The following JAKMIP1 variants were observed in gnomAD, a reference collection of about 807,000 sequenced individuals.
JAKMIP1 encodes janus kinase and microtubule interacting protein 1.
JAKMIP1 carries 33 observed loss-of-function variants against 113.0 expected under a neutral mutation model. The ratio of observed to expected loss-of-function variants is 0.29; its 90% CI spans 0.22 to 0.39. The LOEUF is 0.39. JAKMIP1 is among the 10% of genes least tolerant of loss of function. The pLI is 1.00. For synonymous variants in JAKMIP1, 480 were observed against 459.9 expected (o/e 1.04, Z -0.56); for missense variants, 813 against 1,080.5 (o/e 0.75, Z 3.47).
intron 12 of JAKMIP1, among the ~76,000 whole-genome samples, chr4:6,054,585 T>C (rs776657161): frequency 6.6e-6 from 1 of 151,990 alleles, no homozygotes; most frequent in Non-Finnish European, 1.5e-5. Flanking sequence ...CCCAGCCAGC[T>C]GCGGCAGGGA....
At chr4:6,166,334 G>C (rs1723628955) in intron 1 of JAKMIP1, among the ~76,000 whole-genome samples, 1 of 152,196 alleles carries the variant, frequency 6.6e-6, no homozygotes, top group Admixed American at 6.5e-5. Flanking sequence ...AAGGGCCCCT[G>C]GGCTCCCCTC....
At chr4:6,082,797 G>T (rs762604836) in intron 5 of JAKMIP1, among the ~76,000 whole-genome samples, 4 of 152,118 alleles carry the variant, frequency 2.6e-5, no homozygotes, top group Admixed American at 6.5e-5. Context: ...GCACCTCACA[G>T]AAATCCAGAA....
In JAKMIP1 at chr4:6,065,309, A is replaced by G. The variant is rs916033959; in HGVS notation, c.1303-301T>C. On this transcript the variant is annotated intron_variant, in intron 8 of 20. Coordinates refer to ENST00000409021, the MANE Select transcript of JAKMIP1 (RefSeq NM_001099433.2). The surrounding 1 kb of genome is among the most constrained non-coding windows in gnomAD (Gnocchi z 5.1). ...CCCTGGAGCACCAGCCTCCTTCTCT[A>G]GCAAATGGATTGAGAAGCCACCTCA... is the stretch of plus-strand genomic sequence containing the variant. Among the ~76,000 whole-genome samples the G allele has an allele frequency of 2.0e-5, 3 of 152,172 alleles. No homozygotes were observed. The highest frequency in any genetic ancestry group is 7.2e-5 in the African/African-American group (3 of 41,434).
chr4:6,050,717 G>A lies in JAKMIP1; in HGVS notation c.1807-38C>T, dbSNP rs572598181. On this transcript the variant is annotated intron_variant, in intron 13 of 20. Coordinates refer to ENST00000409021, the MANE Select transcript of JAKMIP1 (RefSeq NM_001099433.2). The surrounding 1 kb of genome is among the most constrained non-coding windows in gnomAD (Gnocchi z 7.4). ...TTCGGTTTAAAAACAGAATGTGACC[G>A]GATTATTTACCACTTGCCATTTTCC... The A allele has an allele frequency of 7.0e-5, 103 of 1,474,690 alleles. No homozygotes were observed. The highest frequency in any genetic ancestry group is 4.6e-4 in the Admixed American group (23 of 50,546). The allele number at this position is 1,474,690 out of a possible 1,614,324, so 91.4% of individuals were successfully genotyped here.
chr4:6,161,167 C>T (rs1722892502), intron 1 of JAKMIP1, among the ~76,000 whole-genome samples: 1 of 149,900 alleles, frequency 6.7e-6, no homozygotes, highest in Middle Eastern at 3.6e-3. Flanking sequence ...CTCACCTCCC[C>T]TGATCTCCAC....
intron 1 of JAKMIP1, among the ~76,000 whole-genome samples, chr4:6,121,351 G>C (rs1416314085): frequency 1.3e-5 from 2 of 152,164 alleles, no homozygotes; most frequent in East Asian, 3.8e-4. Flanking sequence ...AGGAGCAAGG[G>C]CGTCAAATGG....
chr4:6,070,439 C>A (rs1012372741), intron 8 of JAKMIP1, among the ~76,000 whole-genome samples: 15 of 152,272 alleles, frequency 9.9e-5, no homozygotes, highest in African/African-American at 3.6e-4. Context: ...CTGGCCACGC[C>A]AACCGCGGGC....
chr4:6,165,973 G>A (rs191142440), intron 1 of JAKMIP1, among the ~76,000 whole-genome samples: 2,520 of 152,138 alleles, frequency 0.017, 18 homozygotes, highest in Middle Eastern at 0.044. Context: ...GAGGGCTGCC[G>A]GCATTTCTGG....
chr4:6,186,061 C>T lies in JAKMIP1; in HGVS notation c.-148+14192G>A, dbSNP rs921071640. Among the ~76,000 whole-genome samples the T allele has an allele frequency of 9.2e-5, 14 of 152,094 alleles. No individual in the cohort carries two copies. Among genetic ancestry groups the T allele is most frequent in the Non-Finnish European group, 2.1e-4 (14 of 68,024 alleles). On this transcript the variant is annotated intron_variant, in intron 1 of 20. Coordinates refer to ENST00000409021, the MANE Select transcript of JAKMIP1 (RefSeq NM_001099433.2). This position sits in a 1 kb window ranked among gnomAD's most constrained non-coding sequence, Gnocchi z 5.5. ...ATGAAAGTGGACACAGCCAGCCACT[C>T]AACACAGTGTCTGGCTAGGGGCTAC...
In JAKMIP1 at chr4:6,141,423, G is replaced by A. The variant is rs1056721677; in HGVS notation, c.-147-28426C>T. Among the ~76,000 whole-genome samples, 1 of 151,638 alleles carries A rather than the reference G, an allele frequency of 6.6e-6. No individual in the cohort carries two copies. The highest frequency in any genetic ancestry group is 2.4e-5 in the African/African-American group (1 of 40,950). Reference sequence around the variant, plus strand: ...TGCACCCCAGCCTGGGCGACAGAGTGAAACCCTGTCTCAAAATAAATAAAT... The same window carrying A: ...TGCACCCCAGCCTGGGCGACAGAGTAAAACCCTGTCTCAAAATAAATAAAT... On this transcript the variant is annotated intron_variant, in intron 1 of 20. Coordinates refer to ENST00000409021, the MANE Select transcript of JAKMIP1 (RefSeq NM_001099433.2). This position sits in a 1 kb window ranked among gnomAD's most constrained non-coding sequence, Gnocchi z 9.4.
chr4:6,063,952 C>T (rs1021192065), intron 9 of JAKMIP1, among the ~76,000 whole-genome samples: 16 of 152,332 alleles, frequency 1.1e-4, no homozygotes, highest in African/African-American at 2.9e-4. Flanking sequence ...CGCGAGGTAG[C>T]GCGATCCACC....
At position 6,140,613 on chromosome 4, in the gene JAKMIP1, A is replaced by AG. The variant is rs1720003840; in HGVS notation, c.-147-27617dup. 6.6e-6 allele frequency among the ~76,000 whole-genome samples: 1 copy of AG among 152,040 alleles called. No individual in the cohort carries two copies. The highest frequency in any genetic ancestry group is 1.5e-5 in the Non-Finnish European group (1 of 67,992). Reference sequence around the variant, plus strand: ...GGACCTCTGTCCCCACTGCTCCTGGAGGGGTGGAGAAATACATGATTTTGT... The same window carrying AG: ...GGACCTCTGTCCCCACTGCTCCTGGAGGGGGTGGAGAAATACATGATTTTGT... On this transcript the variant is annotated intron_variant, in intron 1 of 20. Transcript: ENST00000409021. This position sits in a 1 kb window ranked among gnomAD's most constrained non-coding sequence, Gnocchi z 9.4.
rs1040288123 is a variant in JAKMIP1, at chr4:6,141,233, C to G, written c.-147-28236G>C. Among the ~76,000 whole-genome samples, 1 of 152,144 alleles carries G rather than the reference C, an allele frequency of 6.6e-6. No homozygotes were observed. The highest frequency in any genetic ancestry group is 1.5e-5 in the Non-Finnish European group (1 of 68,030). ...GGCAGATCACTTGAGCCCAGGAATT[C>G]GAGACCAGCCTGGCCAACATGGCGA... is the stretch of plus-strand genomic sequence containing the variant. On this transcript the variant is annotated intron_variant, in intron 1 of 20. Transcript: ENST00000409021. The surrounding 1 kb of genome is among the most constrained non-coding windows in gnomAD (Gnocchi z 9.4).
chr4:6,083,434 A>C (rs1477922921), intron 5 of JAKMIP1, among the ~76,000 whole-genome samples: 1 of 152,146 alleles, frequency 6.6e-6, no homozygotes, highest in East Asian at 1.9e-4. Flanking sequence ...AAGCGTTGGC[A>C]AACTTATTAG....
intron 1 of JAKMIP1, among the ~76,000 whole-genome samples, chr4:6,170,078 TCCA>T (rs199740182): frequency 0.27 from 6,367 of 23,580 alleles, 481 homozygotes; most frequent in African/African-American, 0.47. Context: ...TCATTACCAC[TCCA>T]CCACCACCGC....
intron 16 of JAKMIP1, among the ~76,000 whole-genome samples, chr4:6,046,475 G>A (rs1715010154): frequency 6.6e-6 from 1 of 152,190 alleles, no homozygotes; most frequent in African/African-American, 2.4e-5. Flanking sequence ...GGGGTTGTGA[G>A]GGCCTGGCAG....
chr4:6,063,581 G>T (rs536607836), intron 9 of JAKMIP1, among the ~76,000 whole-genome samples: 38 of 152,300 alleles, frequency 2.5e-4, no homozygotes, highest in Middle Eastern at 3.4e-3. Context: ...TGTGAGAAAG[G>T]ATGTCCAGGG....
chr4:6,047,187 A>G (rs976699934), intron 16 of JAKMIP1, among the ~76,000 whole-genome samples: 14 of 152,214 alleles, frequency 9.2e-5, no homozygotes, highest in Non-Finnish European at 2.9e-5. Context: ...TGTAGCCAAG[A>G]CGCAAGCCAG....
chr4:6,118,865 T>A (rs1716258705), intron 1 of JAKMIP1, among the ~76,000 whole-genome samples: 1 of 152,096 alleles, frequency 6.6e-6, no homozygotes, highest in Non-Finnish European at 1.5e-5. Flanking sequence ...TGTACCCTTA[T>A]TAGGAAAAAG....
Sources: gnomAD v4.1 joint callset for allele counts (sites outside exome capture counted in the v4.1 genomes callset) on GRCh38, gnomAD v4.1.1 for gene constraint, Gnocchi (gnomAD v3.1) non-coding constraint, MANE v1.5 for transcripts, NCBI Gene and HGNC (gene_info 2026-07-23, HGNC 2026-07-21) for gene names.